Variants in CCDC33 observed in about 807,000 individuals in gnomAD.
The protein encoded by CCDC33 is coiled-coil domain-containing protein 33.
Under a neutral mutation model 91.9 loss-of-function variants are expected in CCDC33, and 94 were observed. The observed-to-expected ratio is 1.02, with a 90% CI of 0.87 to 1.21. The LOEUF is 1.21. CCDC33 is among the 50% of genes most tolerant of loss of function. CCDC33 has a pLI of 0.00. For synonymous variants in CCDC33, 396 were observed against 374.5 expected, an observed-to-expected ratio of 1.06 and a Z score of -0.66; for missense variants, 940 against 935.5, an observed-to-expected ratio of 1.00 and a Z score of -0.06.
chr15:74,239,270 C>T (rs2075273621), intron 1 of CCDC33, among the ~76,000 whole-genome samples: 1 of 152,092 alleles, frequency 6.6e-6, no homozygotes, highest in African/African-American at 2.4e-5. Context: ...TGTCTCCTTC[C>T]ATCTCTCTCC....
chr15:74,331,005 C>T lies in CCDC33; in HGVS notation c.1570C>T (p.Leu524Phe). 1.2e-6 allele frequency: 2 copies of T among 1,603,254 alleles called. No homozygotes were observed. The highest frequency in any genetic ancestry group is 1.7e-6 in the Non-Finnish European group (2 of 1,174,868). ...IRKNDREKELLLLYQAQQPQA... is the reference protein window; with the variant it reads ...IRKNDREKELFLLYQAQQPQA... ...GAAGAATGATCGAGAGAAGGAGCTG[C>T]TCCTTCTGTATCAGGCCCAGCAGCC... Residue 524 changes from leucine to phenylalanine, a missense_variant, in exon 14 of 19, where the codon CTC becomes TTC. Coordinates refer to ENST00000398814, the MANE Select transcript of CCDC33 (RefSeq NM_025055.5).
chr15:74,221,413 A>G, intron 2 of CCDC33: 1 of 749,808 alleles, frequency 1.3e-6, no homozygotes, highest in Non-Finnish European at 1.6e-6. Flanking sequence ...TTTGAATCAG[A>G]ATCATTTTGC....
chr15:74,216,020 G>C (rs187278621), upstream of CCDC33, among the ~76,000 whole-genome samples: 1 of 152,216 alleles, frequency 6.6e-6, no homozygotes, highest in Non-Finnish European at 1.5e-5. Context: ...GCTTGCAGGG[G>C]ATGGGGCCAG....
At chr15:74,263,169 TG>T (rs1451418893) in intron 3 of CCDC33, among the ~76,000 whole-genome samples, 2 of 152,236 alleles carry the variant, frequency 1.3e-5, no homozygotes, top group Non-Finnish European at 2.9e-5. Context: ...TGTACACACA[TG>T]CATGTGCACA....
chr15:74,235,703 T>C (rs1210774734), upstream of CCDC33, among the ~76,000 whole-genome samples: 1 of 152,234 alleles, frequency 6.6e-6, no homozygotes, highest in African/African-American at 2.4e-5. Context: ...GCTCTTTGTC[T>C]TTGTAATAAT....
At position 74,249,475 on chromosome 15, in the gene CCDC33, G is replaced by A. The variant is rs892133364; in HGVS notation, c.185+5327G>A. On this transcript the variant is annotated intron_variant, in intron 2 of 18. Transcript: ENST00000398814. ...TGCACTCCAGCCTGGGTGACAGAGC[G>A]AGGCTCCGTCTAAAAAAAATAATAA... 4.7e-5 allele frequency among the ~76,000 whole-genome samples: 7 copies of A among 148,890 alleles called. 1 individual carries two copies. Among genetic ancestry groups the A allele is most frequent in the East Asian group, 4.0e-4 (2 of 4,990 alleles).
chr15:74,217,764 T>C (rs2074485197), intron 1 of CCDC33, among the ~76,000 whole-genome samples: 2 of 152,058 alleles, frequency 1.3e-5, no homozygotes, highest in Non-Finnish European at 2.9e-5. Flanking sequence ...CCGTGCCTCC[T>C]TCAGTGTGGC....
chr15:74,271,595 C>A (rs879233245), intron 5 of CCDC33, 108 bp from the exon 6 acceptor site: 1 of 741,932 alleles, frequency 1.3e-6, no homozygotes. Flanking sequence ...GTGGAGGCAG[C>A]CATGAGCTCA....
chr15:74,307,106 AGGAGT>A (rs1377282559), intron 11 of CCDC33, among the ~76,000 whole-genome samples: 1 of 152,090 alleles, frequency 6.6e-6, no homozygotes, highest in East Asian at 1.9e-4. Flanking sequence ...TGGGCGAGGC[AGGAGT>A]GGAGCACTCT....
At chr15:74,209,676 AG>A in intron 2 of CCDC33, 1 of 533,742 alleles carries the variant, frequency 1.9e-6, no homozygotes, top group South Asian at 2.6e-5. Context: ...GCTGCTGGAC[AG>A]TCGGCTGCAT....
Position 74,244,033 on chromosome 15 carries a change from C to G in CCDC33, c.70C>G (p.Pro24Ala). The G allele has an allele frequency of 1.2e-6, 2 of 1,610,470 alleles. No individual in the cohort carries two copies. The highest frequency in any genetic ancestry group is 1.7e-6 in the Non-Finnish European group (2 of 1,178,580). ...CCTGATCGCCTCCCAGAGCACGGAA[C>G]CTGAGATCGGTCACCTGTCTCCCTC... ...EPLIASQSTE[P>A]EIGHLSPSKK... The change falls in exon 2 of 19, where the codon CCT becomes GCT. Residue 24 changes from proline to alanine, a missense_variant. Physicochemically the swap from Pro to Ala is conservative, Grantham distance 27. Coordinates refer to ENST00000398814, the MANE Select transcript of CCDC33 (RefSeq NM_025055.5). This position sits in a 1 kb window ranked among gnomAD's most constrained non-coding sequence, Gnocchi z 4.2.
chr15:74,301,552 G>T (rs1367935366), intron 11 of CCDC33: 1 of 152,348 alleles, frequency 6.6e-6, no homozygotes, highest in Non-Finnish European at 1.5e-5. Flanking sequence ...GCAAAGGAGG[G>T]GCATGGTTGG....
At chr15:74,216,302 T>C (rs964160828), upstream of CCDC33, among the ~76,000 whole-genome samples, 5 of 151,794 alleles carry the variant, frequency 3.3e-5, no homozygotes, top group Non-Finnish European at 7.4e-5. Flanking sequence ...ACATGAATTA[T>C]AGAATTTCAG....
chr15:74,215,489 C>T (rs2074416989), upstream of CCDC33, among the ~76,000 whole-genome samples: 1 of 152,056 alleles, frequency 6.6e-6, no homozygotes, highest in Non-Finnish European at 1.5e-5. Context: ...CACTGAGCTG[C>T]ACATTTCAAA....
chr15:74,292,902 G>A (rs540925556), intron 10 of CCDC33, among the ~76,000 whole-genome samples: 1 of 152,204 alleles, frequency 6.6e-6, no homozygotes, highest in Non-Finnish European at 1.5e-5. Flanking sequence ...GAGACTGATG[G>A]GGTAAAGGCA....
intron 3 of CCDC33, among the ~76,000 whole-genome samples, chr15:74,262,819 T>C (rs1052163462): frequency 2.6e-5 from 4 of 152,190 alleles, no homozygotes; most frequent in Admixed American, 6.5e-5. Context: ...TTTTTATGAC[T>C]GTTGTTATTA....
chr15:74,320,525 G>A (rs2142813637), intron 11 of CCDC33, among the ~76,000 whole-genome samples: 1 of 152,200 alleles, frequency 6.6e-6, no homozygotes, highest in East Asian at 1.9e-4. Context: ...CTGAGCTTAG[G>A]GGTACAAACA....
At chr15:74,322,425 A>G (rs1308648287) in intron 11 of CCDC33, among the ~76,000 whole-genome samples, 1 of 152,200 alleles carries the variant, frequency 6.6e-6, no homozygotes, top group African/African-American at 2.4e-5. Context: ...GGTTACTGCA[A>G]GATGGGTCTC....
intron 11 of CCDC33, among the ~76,000 whole-genome samples, chr15:74,310,190 G>A (rs990658009): frequency 6.6e-6 from 1 of 151,990 alleles, no homozygotes; most frequent in Non-Finnish European, 1.5e-5. Context: ...CTGGGAAGAT[G>A]GTTAGGAGGC....
Sources: allele counts gnomAD v4.1 joint callset (sites outside exome capture counted in the v4.1 genomes callset), GRCh38; gene constraint gnomAD v4.1.1; non-coding constraint Gnocchi (gnomAD v3.1); transcripts MANE v1.5; gene names NCBI Gene and HGNC (gene_info 2026-07-23, HGNC 2026-07-21).